NFATC2IP: variants seen among roughly 807,000 people sequenced by gnomAD.
The protein encoded by NFATC2IP is NFATC2-interacting protein.
Under a neutral mutation model 40.2 loss-of-function variants are expected in NFATC2IP, and 25 were observed. The observed-to-expected ratio is 0.62, with a 90% CI of 0.45 to 0.87. The LOEUF (loss-of-function observed/expected upper bound fraction) is 0.87, where lower values mean the gene tolerates loss of function less well. Among genes scored for constraint, NFATC2IP ranks in the 40% least tolerant of loss-of-function variants. NFATC2IP has a pLI of 0.00. For missense variants in NFATC2IP, 553 were observed against 555.6 expected, an observed-to-expected ratio of 1.00 and a Z score of 0.05; for synonymous variants, 241 against 236.3, an observed-to-expected ratio of 1.02 and a Z score of -0.18.
chr16:28,963,929 A>T lies in NFATC2IP; in HGVS notation c.*66A>T. On this transcript the variant is annotated 3_prime_UTR_variant, in exon 8 of 8. Transcript: ENST00000320805. ...AGAATGACTTTCCCTTTTTTGCCCC[A>T]TAAGGGCTAGCATAAGCTGAGGTAG... 3 of 1,488,538 alleles carry T rather than the reference A, an allele frequency of 2.0e-6. No homozygotes were observed. The allele number at this position is 1,488,538 out of a possible 1,614,324, so 92.2% of individuals were successfully genotyped here. A position where few individuals can be genotyped will look rare whatever the true frequency, so the allele number is the denominator to read the frequency against.
At chr16:28,961,130 C>G (rs907190050) in intron 7 of NFATC2IP, among the ~76,000 whole-genome samples, 1 of 151,882 alleles carries the variant, frequency 6.6e-6, no homozygotes, top group Non-Finnish European at 1.5e-5. Context: ...GAGTTCAAGA[C>G]CAGCCCGGGC....
intron 7 of NFATC2IP, 25 bp downstream of exon 7, chr16:28,959,125 C>T (rs773232210): frequency 1.8e-5 from 24 of 1,363,938 alleles, no homozygotes; most frequent in Non-Finnish European, 2.5e-5. Context: ...TGGCTCTCCA[C>T]GCCCCTCACC....
chr16:28,962,273 G>A (rs1387014618), intron 7 of NFATC2IP, among the ~76,000 whole-genome samples: 2 of 152,110 alleles, frequency 1.3e-5, no homozygotes, highest in East Asian at 3.8e-4. Context: ...TCATTTACTG[G>A]TTTATTATAA....
At position 28,951,414 on chromosome 16, in the gene NFATC2IP, G is replaced by A. The variant is rs767795846; in HGVS notation, c.387+16G>A. Reference sequence around the variant, plus strand: ...CTCGGGGAAGGTGCGCCCGGTCCCGGGGAGGGGACCGGCGGAAGGGCCAAG... The same window carrying A: ...CTCGGGGAAGGTGCGCCCGGTCCCGAGGAGGGGACCGGCGGAAGGGCCAAG... On this transcript the variant is annotated intron_variant, in intron 1 of 7. Transcript: ENST00000320805. The A allele has an allele frequency of 1.1e-4, 157 of 1,384,180 alleles. No homozygotes were observed. Among genetic ancestry groups the A allele is most frequent in the Non-Finnish European group, 1.4e-4 (151 of 1,074,100 alleles). 85.7% of individuals were successfully genotyped at this position (1,384,180 alleles called of 1,614,324 possible).
In NFATC2IP at chr16:28,966,197, T is replaced by C. The variant is rs926126262; in HGVS notation, c.*2334T>C. On this transcript the variant is annotated 3_prime_UTR_variant, in exon 8 of 8. Coordinates refer to ENST00000320805, the MANE Select transcript of NFATC2IP (RefSeq NM_032815.4). ...TAGCTGTTCAGCTTTTCCTTTCATA[T>C]TGAGAACACTACACAGTGCTGAAGT... 1.3e-5 allele frequency: 2 copies of C among 152,314 alleles called. No homozygotes were observed. Among genetic ancestry groups the C allele is most frequent in the African/African-American group, 4.8e-5 (2 of 41,446 alleles). 9.4% of individuals were successfully genotyped at this position (152,314 alleles called of 1,614,324 possible). A position where few individuals can be genotyped will look rare whatever the true frequency, so the allele number is the denominator to read the frequency against.
At chr16:28,952,229 G>A (rs750422139) in intron 2 of NFATC2IP, 25 bp downstream of exon 2, 11 of 1,612,764 alleles carry the variant, frequency 6.8e-6, no homozygotes, top group Non-Finnish European at 8.5e-6. Flanking sequence ...CCAGGGAGAG[G>A]CACGCAGCCG....
intron 2 of NFATC2IP, among the ~76,000 whole-genome samples, chr16:28,953,953 A>C (rs1465381942): frequency 1.3e-5 from 2 of 151,790 alleles, no homozygotes; most frequent in African/African-American, 2.4e-5. Context: ...GCAGAATCAT[A>C]GGCCTCTTGC....
In NFATC2IP at chr16:28,951,053, T is replaced by C. The variant is rs773194770; in HGVS notation, c.42T>C (p.Gly14=). The change falls in exon 1 of 8, where the codon GGT becomes GGC. Residue 14 remains glycine (G), a synonymous_variant. Transcript: ENST00000320805. Reference sequence around the variant, plus strand: ...GGAAGCGGGGCCGCTGGTCCGGAGGTAGCGGTGCCGGCCGAGGGGGTCGGG... The same window carrying C: ...GGAAGCGGGGCCGCTGGTCCGGAGGCAGCGGTGCCGGCCGAGGGGGTCGGG... ...PVGKRGRWSG[G]SGAGRGGRGG... is the part of the protein sequence containing the mutation. The C allele has an allele frequency of 5.7e-5, 88 of 1,540,724 alleles. No individual in the cohort carries two copies. The highest frequency in any genetic ancestry group is 6.0e-5 in the Non-Finnish European group (69 of 1,144,402).
rs1965111888 is a variant in NFATC2IP at position 28,963,605 on chromosome 16, C to A, written c.1102-100C>A. ...GGGGCCCTGACTTTATTGTTTCCGC[C>A]CCTGCCGCCATCCTCCCTGTCCCAA... is the stretch of plus-strand genomic sequence containing the variant. On this transcript the variant is annotated intron_variant, in intron 7 of 7. Transcript: ENST00000320805. The A allele has an allele frequency of 8.7e-6, 9 of 1,036,642 alleles. No individual in the cohort carries two copies. In the South Asian group the frequency reaches 1.2e-4, roughly 14 times the overall value. The allele number at this position is 1,036,642 out of a possible 1,614,324, so 64.2% of individuals were successfully genotyped here. A position where few individuals can be genotyped will look rare whatever the true frequency, so the allele number is the denominator to read the frequency against.
intron 2 of NFATC2IP, 149 bp from the exon 3 acceptor site, chr16:28,954,416 C>T: frequency 1.8e-6 from 1 of 547,308 alleles, no homozygotes; most frequent in South Asian, 3.2e-5. Flanking sequence ...CCCCCTTTCC[C>T]AATATTATCA....
intron 7 of NFATC2IP, among the ~76,000 whole-genome samples, chr16:28,962,211 C>A (rs1965096604): frequency 6.6e-6 from 1 of 152,156 alleles, no homozygotes; most frequent in Admixed American, 6.5e-5. Context: ...TCGCCCCCTC[C>A]TTGGGTTTAA....
chr16:28,951,129 C>T lies in NFATC2IP; in HGVS notation c.118C>T (p.Arg40Trp). Reference protein sequence around the residue: ...RRPRAQRSPSRGTLDVVSVDL... With the variant: ...RRPRAQRSPSWGTLDVVSVDL... Reference sequence around the variant, plus strand: ...TCCTCGGGCCCAGCGGTCTCCATCCCGGGGCACGCTGGACGTAGTGTCTGT... The same window carrying T: ...TCCTCGGGCCCAGCGGTCTCCATCCTGGGGCACGCTGGACGTAGTGTCTGT... The change falls in exon 1 of 8, where the codon CGG becomes TGG. Residue 40 changes from arginine to tryptophan, a missense_variant. Arg to Trp is a moderately radical substitution (Grantham distance 101). Coordinates refer to ENST00000320805, the MANE Select transcript of NFATC2IP (RefSeq NM_032815.4). 1 of 1,546,496 alleles carries T rather than the reference C, an allele frequency of 6.5e-7. No homozygotes were observed.
intron 7 of NFATC2IP, among the ~76,000 whole-genome samples, chr16:28,962,914 G>T (rs958628263): frequency 6.6e-6 from 1 of 152,144 alleles, no homozygotes; most frequent in African/African-American, 2.4e-5. Context: ...CTGGGTGCGG[G>T]GGCTCACGCC....
chr16:28,958,953 C>T, intron 6 of NFATC2IP, 38 bp from the exon 7 acceptor site: 2 of 1,605,174 alleles, frequency 1.2e-6, no homozygotes, highest in East Asian at 2.2e-5. Context: ...CTTCCAAGCC[C>T]CCACTTAGCC....
chr16:28,962,322 G>A (rs1247066228), intron 7 of NFATC2IP, among the ~76,000 whole-genome samples: 1 of 152,170 alleles, frequency 6.6e-6, no homozygotes, highest in Non-Finnish European at 1.5e-5. Context: ...GATGTGTAGG[G>A]CACAGCATGG....
At position 28,963,982 on chromosome 16, in the gene NFATC2IP, A is replaced by G. The variant is rs1965116756; in HGVS notation, c.*119A>G. ...CTTATCTTTAAGCTGCAGCAAAATC[A>G]AGGAGTGACTTTTGTCCCCTCTCCT... On this transcript the variant is annotated 3_prime_UTR_variant, in exon 8 of 8. Coordinates refer to ENST00000320805, the MANE Select transcript of NFATC2IP (RefSeq NM_032815.4). 5.3e-6 allele frequency: 5 copies of G among 940,004 alleles called. No homozygotes were observed. The highest frequency in any genetic ancestry group is 1.7e-5 in the African/African-American group (1 of 60,426). The allele number at this position is 940,004 out of a possible 1,614,324, so 58.2% of individuals were successfully genotyped here.
chr16:28,954,740 C>T (rs1013437683), intron 3 of NFATC2IP, 58 bp downstream of exon 3: 31 of 1,052,110 alleles, frequency 2.9e-5, no homozygotes, highest in Middle Eastern at 2.1e-4. Flanking sequence ...GAGGGGTAAG[C>T]GGAGGCAGGC....
rs746151771 is a variant in NFATC2IP, at chr16:28,952,251, TAAG to T, written c.460+49_460+51del. On this transcript the variant is annotated intron_variant, in intron 2 of 7. Transcript: ENST00000320805. Reference sequence around the variant, plus strand: ...GAGGCACGCAGCCGCTGGCTTCTCTTAAGAGAATTCCTGGGGTTTATATTCCTG... The same window carrying T: ...GAGGCACGCAGCCGCTGGCTTCTCTTAGAATTCCTGGGGTTTATATTCCTG... 4 of 1,611,336 alleles carry T rather than the reference TAAG, an allele frequency of 2.5e-6. No individual in the cohort carries two copies. The East Asian group carries it at 8.9e-5, about 36-fold the overall frequency.
chr16:28,956,402 G>A, intron 5 of NFATC2IP, 65 bp downstream of exon 5: 1 of 1,282,856 alleles, frequency 7.8e-7, no homozygotes, highest in Non-Finnish European at 1.1e-6. Context: ...GTGGTGTCCA[G>A]CAGGGGTGTC....
Sources: gnomAD v4.1 joint callset for allele counts (sites outside exome capture counted in the v4.1 genomes callset) on GRCh38, gnomAD v4.1.1 for gene constraint, MANE v1.5 for transcripts, NCBI Gene and HGNC (gene_info 2026-07-23, HGNC 2026-07-21) for gene names.